ARL15: variants seen among roughly 807,000 people sequenced by gnomAD.
ARL15 encodes ADP-ribosylation factor-like protein 15.
Under a neutral mutation model 25.2 loss-of-function variants are expected in ARL15, and 19 were observed. The observed-to-expected ratio is 0.75, with a 90% CI of 0.53 to 1.10. The LOEUF (loss-of-function observed/expected upper bound fraction) is 1.10, where lower values mean the gene tolerates loss of function less well. Among genes scored for constraint, ARL15 ranks in the 50% least tolerant of loss-of-function variants. The probability of loss-of-function intolerance (pLI) is 0.00; values close to 1 mark genes in which losing one functional copy is unlikely to be tolerated. For missense variants in ARL15, 220 were observed against 246.0 expected (o/e 0.89, Z 0.71); for synonymous variants, 94 against 86.8 (o/e 1.08, Z -0.46).
chr5:54,150,827 G>T (rs538654369), intron 3 of ARL15, among the ~76,000 whole-genome samples: 13 of 140,584 alleles, frequency 9.2e-5, no homozygotes, highest in African/African-American at 2.6e-4. Flanking sequence ...ATAAAAAATG[G>T]TGTTTTACCA....
At chr5:54,159,401 G>A (rs1754335768) in intron 2 of ARL15, among the ~76,000 whole-genome samples, 1 of 152,092 alleles carries the variant, frequency 6.6e-6, no homozygotes, top group Non-Finnish European at 1.5e-5. Context: ...GACTATCCTA[G>A]GAGTCCGAAG....
chr5:54,012,444 G>A (rs1749274950), intron 4 of ARL15, among the ~76,000 whole-genome samples: 1 of 152,012 alleles, frequency 6.6e-6, no homozygotes, highest in African/African-American at 2.4e-5. Flanking sequence ...AATGATTGAG[G>A]ACTTGCATTA....
chr5:54,093,826 AT>A (rs1249934329), intron 4 of ARL15, among the ~76,000 whole-genome samples: 8 of 152,088 alleles, frequency 5.3e-5, no homozygotes, highest in Admixed American at 5.2e-4. Context: ...TATTCAAGTG[AT>A]TTTGCTATTG....
chr5:53,911,750 G>C (rs909446897), intron 4 of ARL15, among the ~76,000 whole-genome samples: 4 of 152,014 alleles, frequency 2.6e-5, no homozygotes, highest in Non-Finnish European at 5.9e-5. Flanking sequence ...TGTTCTCATA[G>C]CTTGGCTCCC....
At chr5:54,053,953 T>C (rs926184606) in intron 4 of ARL15, among the ~76,000 whole-genome samples, 20 of 152,258 alleles carry the variant, frequency 1.3e-4, no homozygotes, top group Non-Finnish European at 2.6e-4. Flanking sequence ...GTAATAAATG[T>C]CCCCCTACTC....
chr5:53,886,445 A>G lies in ARL15; in HGVS notation c.*116T>C. On this transcript the variant is annotated 3_prime_UTR_variant, in exon 5 of 5. Coordinates refer to ENST00000504924, the MANE Select transcript of ARL15 (RefSeq NM_019087.3). The stretch of plus-strand genomic sequence containing the variant: ...AATAGAGAGATGAGAGTCTGAAATG[A>G]CCAGAGGAAAATAGATACTGAAGCC... 1 of 1,133,728 alleles carries G rather than the reference A, an allele frequency of 8.8e-7. No homozygotes were observed. The highest frequency in any genetic ancestry group is 1.2e-6 in the Non-Finnish European group (1 of 819,564). 70.2% of individuals were successfully genotyped at this position (1,133,728 alleles called of 1,614,324 possible).
In ARL15 at chr5:53,990,063, T is replaced by C. The variant is rs142194031; in HGVS notation, c.463-103350A>G. ...AGCCTGGGAAATGCAGTGAAACCCA[T>C]TGAAAAATTTAAAAATTTGCTGGGC... is the stretch of plus-strand genomic sequence containing the variant. On this transcript the variant is annotated intron_variant, in intron 4 of 4. Coordinates refer to ENST00000504924, the MANE Select transcript of ARL15 (RefSeq NM_019087.3). Among the ~76,000 whole-genome samples the C allele has an allele frequency of 1.3e-4, 20 of 151,962 alleles. No individual in the cohort carries two copies. In the East Asian group the frequency reaches 3.3e-3, roughly 25 times the overall value.
intron 2 of ARL15, among the ~76,000 whole-genome samples, chr5:54,160,092 C>A (rs1350249947): frequency 6.6e-6 from 1 of 152,214 alleles, no homozygotes; most frequent in South Asian, 2.1e-4. Flanking sequence ...TTCTACAGAT[C>A]TGGTGGCTTT....
intron 4 of ARL15, among the ~76,000 whole-genome samples, chr5:53,921,248 G>A (rs900130852): frequency 6.6e-6 from 1 of 152,138 alleles, no homozygotes; most frequent in Non-Finnish European, 1.5e-5. Context: ...TCAAGAGCAA[G>A]CAGCTAACAG....
intron 1 of ARL15, among the ~76,000 whole-genome samples, chr5:54,179,742 G>A (rs573647903): frequency 1.3e-5 from 2 of 152,038 alleles, no homozygotes; most frequent in Non-Finnish European, 2.9e-5. Context: ...AGCCAGCCAG[G>A]TGCAGTGACT....
Position 54,123,872 on chromosome 5 carries a change from C to T in ARL15, c.254-10462G>A, listed in dbSNP as rs180868490. On this transcript the variant is annotated intron_variant, in intron 3 of 4. Transcript: ENST00000504924. ...ATATAAGTGTTAATGTGTCATACAG[C>T]ACTTGGAAAGAGAAGGTTATACAAA... Among the ~76,000 whole-genome samples the T allele has an allele frequency of 9.9e-5, 15 of 152,198 alleles. No individual in the cohort carries two copies. In the East Asian group the frequency reaches 2.3e-3, roughly 24 times the overall value.
chr5:54,101,723 A>C (rs886938287), intron 4 of ARL15, among the ~76,000 whole-genome samples: 1 of 152,186 alleles, frequency 6.6e-6, no homozygotes, highest in Non-Finnish European at 1.5e-5. Context: ...TGATGACCTC[A>C]TGCTTTGCCT....
chr5:54,279,214 GTT>G (rs55839349), intron 1 of ARL15, among the ~76,000 whole-genome samples: 3 of 147,284 alleles, frequency 2.0e-5, no homozygotes, highest in African/African-American at 5.0e-5. Context: ...GTTTGTTTTT[GTT>G]TTTTTTTTTC....
At chr5:53,918,318 T>C (rs1024814197) in intron 4 of ARL15, among the ~76,000 whole-genome samples, 6 of 152,128 alleles carry the variant, frequency 3.9e-5, no homozygotes, top group Non-Finnish European at 7.3e-5. Flanking sequence ...CCTGAGTAGC[T>C]GGGACAACAA....
chr5:54,103,448 T>C (rs976811660), intron 4 of ARL15, among the ~76,000 whole-genome samples: 1 of 152,154 alleles, frequency 6.6e-6, no homozygotes, highest in Non-Finnish European at 1.5e-5. Context: ...GAAGTGGTAA[T>C]GTGACTATTG....
At chr5:54,269,088 G>A (rs1212896775) in intron 1 of ARL15, among the ~76,000 whole-genome samples, 1 of 151,778 alleles carries the variant, frequency 6.6e-6, no homozygotes, top group East Asian at 1.9e-4. Flanking sequence ...GGGGTGGGGG[G>A]TAGGGATAGC....
intron 1 of ARL15, among the ~76,000 whole-genome samples, chr5:54,243,409 C>T (rs1178262658): frequency 6.6e-6 from 1 of 152,172 alleles, no homozygotes; most frequent in African/African-American, 2.4e-5. Flanking sequence ...CTCATAAGCA[C>T]AGACTGTGTT....
chr5:54,181,207 T>TA (rs1416455804), intron 1 of ARL15, among the ~76,000 whole-genome samples: 1 of 152,110 alleles, frequency 6.6e-6, no homozygotes, highest in Non-Finnish European at 1.5e-5. Flanking sequence ...GAAAACTAAG[T>TA]AAAAAAATAA....
intron 3 of ARL15, among the ~76,000 whole-genome samples, chr5:54,141,249 G>C (rs937114714): frequency 6.6e-6 from 1 of 152,010 alleles, no homozygotes; most frequent in African/African-American, 2.4e-5. Context: ...TAATTGATTT[G>C]ATAATTTCTT....
Sources: allele counts gnomAD v4.1 joint callset (sites outside exome capture counted in the v4.1 genomes callset), GRCh38; gene constraint gnomAD v4.1.1; transcripts MANE v1.5; gene names NCBI Gene and HGNC (gene_info 2026-07-23, HGNC 2026-07-21).